The following BRINP2 variants were observed in gnomAD, a reference collection of about 807,000 sequenced individuals.
BRINP2 encodes the protein BMP/retinoic acid inducible neural specific 2.
In BRINP2, 21 loss-of-function variants were observed where a neutral mutation model predicts 69.2. The ratio of observed to expected loss-of-function variants is 0.30; its 90% confidence interval spans 0.22 to 0.44. The LOEUF (loss-of-function observed/expected upper bound fraction) is 0.44, where lower values mean the gene tolerates loss of function less well. Among genes scored for constraint, BRINP2 ranks in the 20% least tolerant of loss-of-function variants. BRINP2 has a pLI of 1.00. For synonymous variants in BRINP2, 380 were observed against 394.1 expected (o/e 0.96, Z 0.42); for missense variants, 877 against 986.0 (o/e 0.89, Z 1.48).
At position 177,280,500 on chromosome 1, in the gene BRINP2, A is replaced by G. The variant is rs759785259; in HGVS notation, c.1324A>G (p.Ser442Gly). 2.5e-6 allele frequency: 4 copies of G among 1,614,088 alleles called. No individual in the cohort carries two copies. The African/African-American group carries it at 5.3e-5, about 22-fold the overall frequency. Residue 442 changes from serine (S) to glycine (G), a missense_variant, in exon 8 of 8, where the codon AGC becomes GGC. Transcript: ENST00000361539. The stretch of plus-strand genomic sequence containing the variant: ...TGGCACTTTCCTGGAACAGAGCCAC[A>G]GCTGCACCTGCCCCTATGACCAATC... ...FPGTFLEQSHSCTCPYDQSSC... is the reference protein window; with the variant it reads ...FPGTFLEQSHGCTCPYDQSSC...
At chr1:177,270,628 G>A (rs1454044839) in intron 4 of BRINP2, among the ~76,000 whole-genome samples, 2 of 152,096 alleles carry the variant, frequency 1.3e-5, no homozygotes, top group East Asian at 1.9e-4. Context: ...TCCCACTTAA[G>A]GCTTGTTAGC....
chr1:177,255,179 T>C (rs1023689119), intron 2 of BRINP2, among the ~76,000 whole-genome samples: 2 of 152,254 alleles, frequency 1.3e-5, no homozygotes, highest in Non-Finnish European at 2.9e-5. Context: ...GAAGCAAATA[T>C]GAGAGTGCAG....
At chr1:177,209,257 T>C (rs191191014) in intron 1 of BRINP2, among the ~76,000 whole-genome samples, 1 of 152,200 alleles carries the variant, frequency 6.6e-6, no homozygotes, top group Admixed American at 6.5e-5. Context: ...AAACCATCTT[T>C]AATTGAAACT....
At chr1:177,267,180 TTTA>T (rs1342109186) in intron 4 of BRINP2, among the ~76,000 whole-genome samples, 1 of 152,206 alleles carries the variant, frequency 6.6e-6, no homozygotes, top group Non-Finnish European at 1.5e-5. Flanking sequence ...ATAAGAATAG[TTTA>T]TTAAGAGAAC....
intron 2 of BRINP2, among the ~76,000 whole-genome samples, chr1:177,250,452 G>C (rs1288236935): frequency 1.3e-5 from 2 of 152,186 alleles, no homozygotes; most frequent in African/African-American, 4.8e-5. Flanking sequence ...TCAGCCTTCT[G>C]AGTAGCTGGG....
chr1:177,199,102 T>G (rs966894421), intron 1 of BRINP2, among the ~76,000 whole-genome samples: 13 of 151,986 alleles, frequency 8.6e-5, no homozygotes, highest in African/African-American at 2.9e-4. Context: ...GGAGTAGGAG[T>G]CAGGGGAAGC....
chr1:177,269,695 C>T (rs978290265), intron 4 of BRINP2, among the ~76,000 whole-genome samples: 10 of 152,164 alleles, frequency 6.6e-5, no homozygotes, highest in African/African-American at 2.4e-4. Flanking sequence ...TCTTAGTTTG[C>T]AGGTGTCCCC....
chr1:177,171,871 C>T (rs1418769447), intron 1 of BRINP2, 139 bp downstream of exon 1: 4 of 152,170 alleles, frequency 2.6e-5, no homozygotes, highest in African/African-American at 9.7e-5. Context: ...GGAATGATGC[C>T]ACCTCTCCTA....
In BRINP2 at chr1:177,280,560, G is replaced by A. The variant is rs777721842; in HGVS notation, c.1384G>A (p.Glu462Lys). The A allele has an allele frequency of 2.3e-5, 37 of 1,614,044 alleles. No homozygotes were observed. Among genetic ancestry groups the A allele is most frequent in the Admixed American group, 1.3e-4 (8 of 60,006 alleles). The change falls in exon 8 of 8, where the codon GAA (glutamate) becomes AAA (lysine). Residue 462 changes from glutamate (E) to lysine (K), a missense_variant. Glu to Lys is a moderately conservative substitution (Grantham distance 56). This residue lies in a region of BRINP2 where 566 missense variants were observed against 625.2 expected (regional missense o/e 0.91). Coordinates refer to ENST00000361539, the MANE Select transcript of BRINP2 (RefSeq NM_021165.4). Reference protein sequence around the residue: ...CQGPIPCALGEGPACAHCAPD... With the variant: ...CQGPIPCALGKGPACAHCAPD... Reference sequence around the variant, plus strand: ...GGGCCCCATCCCATGTGCCTTGGGCGAAGGGCCCGCGTGTGCCCACTGTGC... The same window carrying A: ...GGGCCCCATCCCATGTGCCTTGGGCAAAGGGCCCGCGTGTGCCCACTGTGC...
chr1:177,180,268 C>T (rs1648206436), intron 1 of BRINP2, among the ~76,000 whole-genome samples: 2 of 152,184 alleles, frequency 1.3e-5, no homozygotes, highest in African/African-American at 2.4e-5. Flanking sequence ...CTGCACCATG[C>T]CCTCTGCCTT....
chr1:177,184,777 C>A (rs1025810302), intron 1 of BRINP2, among the ~76,000 whole-genome samples: 1 of 152,044 alleles, frequency 6.6e-6, no homozygotes. Context: ...CCACCACACC[C>A]ATTTCCATTA....
chr1:177,273,628 C>T lies in BRINP2; in HGVS notation c.775+35C>T, dbSNP rs758055939. On this transcript the variant is annotated intron_variant, in intron 5 of 7. Coordinates refer to ENST00000361539, the MANE Select transcript of BRINP2 (RefSeq NM_021165.4). ...ACTATGATGGTTTTCATACCTTTCA[C>T]ACCTGATTTAAAAAAAAAAATTCCT... 1.4e-5 allele frequency: 18 copies of T among 1,307,234 alleles called. No homozygotes were observed. The African/African-American group carries it at 1.8e-4, about 13-fold the overall frequency. The allele number at this position is 1,307,234 out of a possible 1,614,324, so 81.0% of individuals were successfully genotyped here.
intron 3 of BRINP2, 56 bp from the exon 4 acceptor site, chr1:177,257,120 G>T: frequency 1.2e-6 from 2 of 1,604,766 alleles, no homozygotes; most frequent in Non-Finnish European, 1.7e-6. Context: ...TGTTCCTATT[G>T]GTAGGGGATT....
intron 1 of BRINP2, among the ~76,000 whole-genome samples, chr1:177,196,204 G>C (rs1648739045): frequency 6.6e-6 from 1 of 152,154 alleles, no homozygotes; most frequent in Non-Finnish European, 1.5e-5. Context: ...AACTCAGTTG[G>C]TTCAACCCAG....
At chr1:177,219,525 CAT>C (rs1305450045) in intron 1 of BRINP2, among the ~76,000 whole-genome samples, 1 of 152,200 alleles carries the variant, frequency 6.6e-6, no homozygotes, top group East Asian at 1.9e-4. Flanking sequence ...TCAGGCAACT[CAT>C]ATATTTACAA....
chr1:177,194,502 C>T (rs6700720), intron 1 of BRINP2, among the ~76,000 whole-genome samples: 69 of 152,270 alleles, frequency 4.5e-4, no homozygotes, highest in Non-Finnish European at 9.0e-4. Flanking sequence ...GACAGAATCA[C>T]AAAGATGAGA....
At chr1:177,188,159 G>A (rs1398482196) in intron 1 of BRINP2, among the ~76,000 whole-genome samples, 6 of 152,142 alleles carry the variant, frequency 3.9e-5, no homozygotes, top group Admixed American at 3.9e-4. Context: ...GCATCATTTT[G>A]TGACTTCTTT....
At chr1:177,259,480 AAAC>A (rs747640161) in intron 4 of BRINP2, among the ~76,000 whole-genome samples, 2 of 152,212 alleles carry the variant, frequency 1.3e-5, no homozygotes, top group African/African-American at 2.4e-5. Context: ...TGGCTACACT[AAAC>A]AACAGATTTT....
intron 1 of BRINP2, among the ~76,000 whole-genome samples, chr1:177,208,333 G>A (rs776285218): frequency 2.0e-5 from 3 of 152,200 alleles, no homozygotes; most frequent in Non-Finnish European, 4.4e-5. Context: ...CTGTATGTAA[G>A]TAGGTTAAAG....
Sources: gnomAD v4.1 joint callset for allele counts (sites outside exome capture counted in the v4.1 genomes callset) on GRCh38, gnomAD v4.1.1 for gene constraint, gnomAD v4.1.1 regional missense constraint, MANE v1.5 for transcripts, NCBI Gene and HGNC (gene_info 2026-07-23, HGNC 2026-07-21) for gene names.